The following HNF1B variants were observed in gnomAD, a reference collection of about 807,000 sequenced individuals.
HNF1B encodes the protein HNF1 homeobox B.
In HNF1B, 8 loss-of-function variants were observed where a neutral mutation model predicts 61.7. The observed-to-expected ratio is 0.13, with a 90% CI of 0.08 to 0.23. The LOEUF (loss-of-function observed/expected upper bound fraction) is 0.23, where lower values mean the gene tolerates loss of function less well. Ranked by LOEUF, HNF1B falls within the 10% of genes least tolerant of loss-of-function variation. The pLI, the probability that HNF1B is intolerant of heterozygous loss-of-function variation, is 1.00. For missense variants in HNF1B, 562 were observed against 714.5 expected, an observed-to-expected ratio of 0.79 and a Z score of 2.43; for synonymous variants, 314 against 287.7, an observed-to-expected ratio of 1.09 and a Z score of -0.93.
intron 4 of HNF1B, among the ~76,000 whole-genome samples, chr17:37,718,545 T>C (rs2147499873): frequency 6.6e-6 from 1 of 152,312 alleles, no homozygotes. Flanking sequence ...CGCTCCTTGC[T>C]AGGGGGTCTC....
At chr17:37,716,220 C>G (rs548236962) in intron 4 of HNF1B, among the ~76,000 whole-genome samples, 1 of 152,282 alleles carries the variant, frequency 6.6e-6, no homozygotes, top group Admixed American at 6.5e-5. Context: ...ATTTCAGAGA[C>G]AGAGTCTCAT....
At chr17:37,739,961 A>C (rs10908278) in intron 1 of HNF1B, among the ~76,000 whole-genome samples, 1 of 151,454 alleles carries the variant, frequency 6.6e-6, no homozygotes, top group Non-Finnish European at 1.5e-5. Flanking sequence ...TTAATTAATT[A>C]ATTTATTTAT....
Position 37,699,204 on chromosome 17 carries a change from C to G in HNF1B, c.1535-10G>C. ...TGCTTGTGTGCGTACACTGGAGAGA[C>G]AGAGTGAAGACAGAATCAAGGTGCA... On this transcript the variant is annotated splice_polypyrimidine_tract_variant and intron_variant, in intron 7 of 8. Transcript: ENST00000617811. 1 of 1,602,904 alleles carries G rather than the reference C, an allele frequency of 6.2e-7. No individual in the cohort carries two copies. The highest frequency in any genetic ancestry group is 8.5e-7 in the Non-Finnish European group (1 of 1,169,802).
intron 6 of HNF1B, among the ~76,000 whole-genome samples, chr17:37,701,657 C>T (rs2032576371): frequency 6.6e-6 from 1 of 152,196 alleles, no homozygotes; most frequent in Non-Finnish European, 1.5e-5. Flanking sequence ...AAACAACTTC[C>T]ATAGTCCCGG....
rs1051029550 is a variant in HNF1B at position 37,704,976 on chromosome 17, G to A, written c.1280C>T (p.Pro427Leu). Residue 427 changes from proline to leucine, a missense_variant, in exon 6 of 9, where the codon CCC (proline) becomes CTC (leucine). Physicochemically the swap from Pro to Leu is moderately conservative, Grantham distance 98. Transcript: ENST00000617811. ...CATGATGAGGTTTTGAGATTGCTGG[G>A]GATTATGGTGGGAGAGGCTGTGGAT... ...TNIHSLSHHN[P>L]QQSQNLIMTP... 1 of 1,614,062 alleles carries A rather than the reference G, an allele frequency of 6.2e-7. No individual in the cohort carries two copies. The highest frequency in any genetic ancestry group is 8.5e-7 in the Non-Finnish European group (1 of 1,179,972).
intron 4 of HNF1B, among the ~76,000 whole-genome samples, chr17:37,712,100 A>C (rs190586707): frequency 6.6e-6 from 1 of 152,222 alleles, no homozygotes; most frequent in Admixed American, 6.5e-5. Context: ...GAAAAGAACA[A>C]AACAAATGCT....
chr17:37,716,200 A>T (rs867386574), intron 4 of HNF1B, among the ~76,000 whole-genome samples: 20 of 152,128 alleles, frequency 1.3e-4, no homozygotes, highest in Non-Finnish European at 1.8e-4. Context: ...TGTGCTTTTT[A>T]AAAAAGTTTA....
At chr17:37,696,449 T>C (rs2032387424) in intron 8 of HNF1B, among the ~76,000 whole-genome samples, 1 of 151,972 alleles carries the variant, frequency 6.6e-6, no homozygotes, top group African/African-American at 2.4e-5. Flanking sequence ...AACATAAAAA[T>C]ATAAATAAAT....
At chr17:37,726,234 G>C (rs935364179) in intron 4 of HNF1B, among the ~76,000 whole-genome samples, 5 of 152,258 alleles carry the variant, frequency 3.3e-5, no homozygotes, top group Non-Finnish European at 7.3e-5. Flanking sequence ...AAAAGAGATG[G>C]ACAGTGTGCA....
chr17:37,733,438 A>G, intron 3 of HNF1B, 119 bp downstream of exon 3: 1 of 1,150,222 alleles, frequency 8.7e-7, no homozygotes, highest in Non-Finnish European at 1.3e-6. Flanking sequence ...TACTTTGAGA[A>G]GCTCTGATTT....
chr17:37,712,420 A>G (rs1466559095), intron 4 of HNF1B, among the ~76,000 whole-genome samples: 1 of 152,098 alleles, frequency 6.6e-6, no homozygotes, highest in Non-Finnish European at 1.5e-5. Flanking sequence ...TTTGCCATCG[A>G]TGCCATCCCA....
At chr17:37,741,545 T>TGTA (rs1448368023) in intron 1 of HNF1B, among the ~76,000 whole-genome samples, 2 of 152,230 alleles carry the variant, frequency 1.3e-5, no homozygotes, top group Non-Finnish European at 1.5e-5. Context: ...GACATATCCT[T>TGTA]GTAAACATCA....
intron 2 of HNF1B, among the ~76,000 whole-genome samples, chr17:37,735,536 G>A (rs773164433): frequency 2.6e-5 from 4 of 152,116 alleles, no homozygotes; most frequent in Non-Finnish European, 5.9e-5. Context: ...TTTCAGTGGT[G>A]CCCAACAATG....
At chr17:37,737,537 A>C (rs2033866017) in intron 2 of HNF1B, among the ~76,000 whole-genome samples, 1 of 152,168 alleles carries the variant, frequency 6.6e-6, no homozygotes, top group South Asian at 2.1e-4. Flanking sequence ...ACTTTAAAAC[A>C]AAAATAACAA....
At chr17:37,727,976 GC>G (rs2033557825) in intron 4 of HNF1B, among the ~76,000 whole-genome samples, 1 of 151,960 alleles carries the variant, frequency 6.6e-6, no homozygotes, top group Non-Finnish European at 1.5e-5. Flanking sequence ...GCTCTCCTCA[GC>G]AACATGGAGT....
chr17:37,713,342 A>G (rs2032998033), intron 4 of HNF1B, among the ~76,000 whole-genome samples: 2 of 152,236 alleles, frequency 1.3e-5, no homozygotes, highest in South Asian at 4.1e-4. Context: ...ACCAAAGGCT[A>G]CGCAATTATT....
chr17:37,734,615 G>A (rs765206327), intron 2 of HNF1B, among the ~76,000 whole-genome samples: 142 of 152,204 alleles, frequency 9.3e-4, no homozygotes, highest in Admixed American at 4.0e-3. Context: ...CTACATTACC[G>A]AAGAAGAAAG....
intron 5 of HNF1B, among the ~76,000 whole-genome samples, chr17:37,709,273 A>G (rs1310549744): frequency 6.6e-6 from 1 of 151,968 alleles, no homozygotes; most frequent in Non-Finnish European, 1.5e-5. Context: ...ATTTTTTGAG[A>G]CACCCGAGTC....
intron 5 of HNF1B, among the ~76,000 whole-genome samples, chr17:37,710,165 G>T (rs1012927536): frequency 4.3e-4 from 64 of 149,384 alleles, no homozygotes; most frequent in Admixed American, 8.1e-4. Context: ...GGAGGCCTTG[G>T]GGGGAGGGAT....
Sources: allele counts gnomAD v4.1 joint callset (sites outside exome capture counted in the v4.1 genomes callset), GRCh38; gene constraint gnomAD v4.1.1; transcripts MANE v1.5; gene names NCBI Gene and HGNC (gene_info 2026-07-23, HGNC 2026-07-21).